INSL6: variants seen among roughly 807,000 people sequenced by gnomAD.
INSL6 encodes insulin like 6.
Under a neutral mutation model 9.4 loss-of-function variants are expected in INSL6, and 16 were observed. That is an observed-to-expected ratio of 1.70 (90% CI 1.15 to 2.59). The LOEUF (loss-of-function observed/expected upper bound fraction) is 2.59. Among genes scored for constraint, INSL6 ranks in the 30% most tolerant of loss-of-function variants. INSL6 has a pLI of 0.00. For missense variants in INSL6, 391 were observed against 257.3 expected, an observed-to-expected ratio of 1.52 and a Z score of -3.56; for synonymous variants, 154 against 96.9, an observed-to-expected ratio of 1.59 and a Z score of -3.46.
chr9:5,108,273 T>C, the INSL6 span: 1 of 152,146 alleles, frequency 6.6e-6, no homozygotes, highest in African/African-American at 2.4e-5. Flanking sequence ...AATTATATTT[T>C]ATATTTTCTT....
chr9:5,147,258 C>A (rs994084121), intron 2 of INSL6, among the ~76,000 whole-genome samples: 2 of 152,290 alleles, frequency 1.3e-5, no homozygotes, highest in African/African-American at 4.8e-5. Context: ...AGGGGGTTCC[C>A]TGTTTGATGA....
chr9:5,028,420 T>C, the INSL6 span, among the ~76,000 whole-genome samples: 5 of 152,222 alleles, frequency 3.3e-5, no homozygotes, highest in Non-Finnish European at 2.9e-5. Flanking sequence ...GGCAGGGTAA[T>C]TGAGCATAGT....
At chr9:5,088,444 C>T in the INSL6 span, among the ~76,000 whole-genome samples, 1 of 152,030 alleles carries the variant, frequency 6.6e-6, no homozygotes, top group Non-Finnish European at 1.5e-5. Flanking sequence ...TGATTAATAT[C>T]AAAAACCTAT....
At chr9:5,103,553 G>C in the INSL6 span, among the ~76,000 whole-genome samples, 1 of 152,118 alleles carries the variant, frequency 6.6e-6, no homozygotes, top group African/African-American at 2.4e-5. Context: ...CATGAACTCA[G>C]CTCTGCACCA....
the INSL6 span, among the ~76,000 whole-genome samples, chr9:4,996,390 G>T: frequency 1.3e-5 from 2 of 152,112 alleles, no homozygotes; most frequent in African/African-American, 4.8e-5. Context: ...AGAGGTTGCA[G>T]TGAGCTGAGA....
the INSL6 span, among the ~76,000 whole-genome samples, chr9:5,103,221 C>CAAAAAAAAAAAA: frequency 5.8e-4 from 4 of 6,872 alleles, 2 homozygotes; most frequent in African/African-American, 1.2e-3. Flanking sequence ...AAAGGGAAAG[C>CAAAAAAAAAAAA]AAAAAAAAAA....
At chr9:5,104,682 C>T in the INSL6 span, among the ~76,000 whole-genome samples, 1 of 152,218 alleles carries the variant, frequency 6.6e-6, no homozygotes, top group Admixed American at 6.5e-5. Context: ...AAACCCAATC[C>T]AGCAGCACAT....
intron 2 of INSL6, among the ~76,000 whole-genome samples, chr9:5,146,866 C>G (rs1350769562): frequency 6.6e-6 from 1 of 152,126 alleles, no homozygotes. Flanking sequence ...CAGGCATGGT[C>G]CACTGGTGCA....
chr9:5,106,254 T>C, the INSL6 span, among the ~76,000 whole-genome samples: 1 of 152,174 alleles, frequency 6.6e-6, no homozygotes, highest in Non-Finnish European at 1.5e-5. Flanking sequence ...AACAGACACT[T>C]CTCAAAAGAA....
chr9:5,126,516 A>T (rs1824010259), intron 3 of INSL6: 4 of 1,112,080 alleles, frequency 3.6e-6, no homozygotes, highest in Non-Finnish European at 5.3e-6. Flanking sequence ...ACTTCAGTTC[A>T]CTTCCTGAAA....
chr9:5,017,147 A>G, the INSL6 span, among the ~76,000 whole-genome samples: 3 of 152,244 alleles, frequency 2.0e-5, no homozygotes, highest in East Asian at 3.8e-4. Context: ...CAATGCAGTA[A>G]TATCTTTAAA....
intron 2 of INSL6, among the ~76,000 whole-genome samples, chr9:5,154,411 G>A (rs1824776052): frequency 6.6e-6 from 1 of 152,084 alleles, no homozygotes; most frequent in African/African-American, 2.4e-5. Flanking sequence ...ACATAGGCAT[G>A]GGCAAGGACT....
At chr9:5,155,529 T>TAAAAA (rs797017082) in intron 2 of INSL6, among the ~76,000 whole-genome samples, 1 of 90,984 alleles carries the variant, frequency 1.1e-5, no homozygotes, top group Non-Finnish European at 2.1e-5. Flanking sequence ...AACTACTAAA[T>TAAAAA]AAAAAAAAAA....
the INSL6 span, among the ~76,000 whole-genome samples, chr9:5,033,595 TAAAG>T: frequency 6.6e-6 from 1 of 152,144 alleles, no homozygotes; most frequent in East Asian, 1.9e-4. Flanking sequence ...TCAACATTCT[TAAAG>T]AAAAGAATTT....
the INSL6 span, among the ~76,000 whole-genome samples, chr9:5,116,414 C>G: frequency 1.3e-5 from 2 of 152,160 alleles, no homozygotes; most frequent in Admixed American, 1.3e-4. Context: ...AACATTAGAA[C>G]TGCGTTCATC....
At chr9:5,156,410 A>C (rs542963534) in intron 2 of INSL6, among the ~76,000 whole-genome samples, 1 of 152,332 alleles carries the variant, frequency 6.6e-6, no homozygotes, top group South Asian at 2.1e-4. Context: ...ATGGCTATTG[A>C]TGCAAAACCC....
chr9:5,013,566 T>C, the INSL6 span, among the ~76,000 whole-genome samples: 1 of 152,254 alleles, frequency 6.6e-6, no homozygotes, highest in Non-Finnish European at 1.5e-5. Flanking sequence ...GTCTCTACTT[T>C]GTTCCAGGAA....
At chr9:5,125,219 T>C (rs1442461488) in intron 3 of INSL6, among the ~76,000 whole-genome samples, 1 of 151,118 alleles carries the variant, frequency 6.6e-6, no homozygotes, top group Non-Finnish European at 1.5e-5. Context: ...CAAAGAAGTA[T>C]ATAAAACTTT....
the INSL6 span, chr9:5,090,890 C>T: frequency 6.2e-7 from 1 of 1,604,628 alleles, no homozygotes; most frequent in Non-Finnish European, 8.5e-7. Context: ...GTAAAAGAAC[C>T]TGGTGAAAGT....
Sources: allele counts gnomAD v4.1 joint callset (sites outside exome capture counted in the v4.1 genomes callset), GRCh38; gene constraint gnomAD v4.1.1; transcripts MANE v1.5; gene names NCBI Gene and HGNC (gene_info 2026-07-23, HGNC 2026-07-21).